Variants in MMGT1 observed in about 807,000 individuals in gnomAD.
MMGT1 encodes membrane magnesium transporter 1.
A neutral mutation model predicts 11.7 loss-of-function variants in MMGT1; 2 were observed. The ratio of observed to expected loss-of-function variants is 0.17; its 90% CI spans 0.07 to 0.54. The LOEUF is 0.54. Ranked by LOEUF, MMGT1 falls within the 20% of genes least tolerant of loss-of-function variation. The pLI, the probability that MMGT1 is intolerant of heterozygous loss-of-function variation, is 0.94. For synonymous variants in MMGT1, 49 were observed against 44.4 expected (o/e 1.10, Z -0.41); for missense variants, 74 against 109.0 (o/e 0.68, Z 1.43).
At chrX:135,973,450 C>A in intron 1 of MMGT1, 147 bp downstream of exon 1, 2 of 494,529 alleles carry the variant, frequency 4.0e-6, no homozygotes, top group Non-Finnish European at 6.8e-6. Context: ...ACTGGGAACT[C>A]CTGCACTGAT....
At position 135,973,843 on chromosome X, in the gene MMGT1, G is replaced by A; in HGVS notation, c.-168C>T. The stretch of plus-strand genomic sequence containing the variant: ...GAGGGCTGTGAGAAAACGGAAACAG[G>A]AATGCCGGGAAGAAGCAGAAAGCTA... On this transcript the variant is annotated 5_prime_UTR_variant, in exon 1 of 4. Transcript: ENST00000305963. 1.7e-6 allele frequency: 2 copies of A among 1,161,927 alleles called. No homozygotes were observed. The highest frequency in any genetic ancestry group is 2.3e-6 in the Non-Finnish European group (2 of 871,137).
At chrX:135,966,105 T>C (rs1378619095) in intron 3 of MMGT1, among the ~76,000 whole-genome samples, 1 of 112,302 alleles carries the variant, frequency 8.9e-6, no homozygotes, top group Non-Finnish European at 1.9e-5. Flanking sequence ...TTTCTACTTT[T>C]CCAGTGAGAG....
At chrX:135,968,499 T>TTGTGTGTGTGTGTGTGTGTGTGTG (rs61012323) in intron 2 of MMGT1, among the ~76,000 whole-genome samples, 4 of 85,008 alleles carry the variant, frequency 4.7e-5, no homozygotes, top group Admixed American at 2.8e-4. Flanking sequence ...CATTATGTCA[T>TTGTGTGTGTGTGTGTGTGTGTGTG]TGTGTGTGTG....
chrX:135,961,770 T>C lies in MMGT1; in HGVS notation c.*3254A>G, dbSNP rs1027527759. Among the ~76,000 whole-genome samples the C allele has an allele frequency of 9.0e-6, 1 of 111,710 alleles. No individual in the cohort carries two copies. Among genetic ancestry groups the C allele is most frequent in the African/African-American group, 3.3e-5 (1 of 30,752 alleles). ...CACTTTCAATGGGAGTTTGGCTTTA[T>C]AACAAATTTGTGATGGAATCATTAG... On this transcript the variant is annotated 3_prime_UTR_variant, in exon 4 of 4. Coordinates refer to ENST00000305963, the MANE Select transcript of MMGT1 (RefSeq NM_173470.3).
chrX:135,972,848 C>T (rs1445087825), intron 1 of MMGT1, among the ~76,000 whole-genome samples: 1 of 111,816 alleles, frequency 8.9e-6, no homozygotes, highest in African/African-American at 3.3e-5. Context: ...ATCTAGGATA[C>T]TTTCCTTAAC....
At position 135,967,193 on chromosome X, in the gene MMGT1, A is replaced by G. The variant is rs182272746; in HGVS notation, c.236+197T>C. On this transcript the variant is annotated intron_variant, in intron 3 of 3. Transcript: ENST00000305963. ...GTATTTTTTTGATTCTACTGTGAAT[A>G]ATCTGGCATTCATCTTCCATTTTCT... Among the ~76,000 whole-genome samples the G allele has an allele frequency of 9.5e-3, 1,071 of 112,563 alleles. 33 individuals are homozygous for G. The highest frequency in any genetic ancestry group is 0.083 in the Admixed American group (879 of 10,609).
intron 2 of MMGT1, among the ~76,000 whole-genome samples, chrX:135,969,200 T>A (rs1392617139): frequency 1.9e-5 from 2 of 107,641 alleles, no homozygotes; most frequent in Non-Finnish European, 3.8e-5. Flanking sequence ...GTGATAGGAG[T>A]TAACAGCCTC....
At chrX:135,968,418 C>T (rs2089198122) in intron 2 of MMGT1, among the ~76,000 whole-genome samples, 1 of 110,302 alleles carries the variant, frequency 9.1e-6, no homozygotes, top group Non-Finnish European at 1.9e-5. Context: ...ATATGCCTTA[C>T]TTTTGCCCAT....
At position 135,971,088 on chromosome X, in the gene MMGT1, T is replaced by C; in HGVS notation, c.102A>G (p.Thr34=). 1 of 1,182,374 alleles carries C rather than the reference T, an allele frequency of 8.5e-7. No homozygotes were observed. The highest frequency in any genetic ancestry group is 1.8e-5 in the South Asian group (1 of 55,861). ...TTGGCAGTGATTCATCTTCTTTTTC[T>C]GTTAATCGCATATAAGAACGATCTA... is the stretch of plus-strand genomic sequence containing the variant. ...AAQHRSYMRL[T]EKEDESLPID... is the part of the protein sequence containing the mutation. The change falls in exon 2 of 4, where the codon ACA becomes ACG. Residue 34 remains threonine, a synonymous_variant. Coordinates refer to ENST00000305963, the MANE Select transcript of MMGT1 (RefSeq NM_173470.3).
chrX:135,973,642 T>C lies in MMGT1; in HGVS notation c.34A>G (p.Ile12Val). The change falls in exon 1 of 4, where the codon ATC becomes GTC. Residue 12 changes from isoleucine (I) to valine (V), a missense_variant. Transcript: ENST00000305963. ...GCGTGGGCTAGGGCAAAGAGACCGATGCCCACCAGCCCCTTCCACAGCGAC... is the reference window on the plus strand; with the variant it reads ...GCGTGGGCTAGGGCAAAGAGACCGACGCCCACCAGCCCCTTCCACAGCGAC... Reference protein sequence around the residue: ...APSLWKGLVGIGLFALAHAAF... With the variant: ...APSLWKGLVGVGLFALAHAAF... The C allele has an allele frequency of 6.0e-6, 7 of 1,167,271 alleles. No homozygotes were observed. Among genetic ancestry groups the C allele is most frequent in the Non-Finnish European group, 5.7e-6 (5 of 873,020 alleles).
rs1569523467 is a variant in MMGT1 at position 135,973,899 on chromosome X, C to G, written c.-224G>C. 1 of 1,149,990 alleles carries G rather than the reference C, an allele frequency of 8.7e-7. No individual in the cohort carries two copies. The highest frequency in any genetic ancestry group is 1.2e-6 in the Non-Finnish European group (1 of 865,117). 94.8% of individuals were successfully genotyped at this position (1,149,990 alleles called of 1,213,427 possible). On this transcript the variant is annotated 5_prime_UTR_variant, in exon 1 of 4. Transcript: ENST00000305963. The stretch of plus-strand genomic sequence containing the variant: ...AAAAAGGTCCGCGAGAACCCACGAA[C>G]CTGCGCTATGGAGGCCTCTCTAGGA...
At chrX:135,971,247 C>T (rs1556612573) in intron 1 of MMGT1, 137 bp from the exon 2 acceptor site, 9 of 351,649 alleles carry the variant, frequency 2.6e-5, no homozygotes, top group East Asian at 4.4e-5. Context: ...ATGTAACTAA[C>T]CTGCACATTG....
Position 135,964,122 on chromosome X carries a change from G to A in MMGT1, c.*902C>T, listed in dbSNP as rs375927474. On this transcript the variant is annotated 3_prime_UTR_variant, in exon 4 of 4. Transcript: ENST00000305963. Reference sequence around the variant, plus strand: ...TGAACTCTGTCTTTAGATTAATGACGAGTTTCCTTTATTTCACTTATTCAC... The same window carrying A: ...TGAACTCTGTCTTTAGATTAATGACAAGTTTCCTTTATTTCACTTATTCAC... The A allele has an allele frequency of 1.2e-4, 13 of 112,688 alleles. No homozygotes were observed. The highest frequency in any genetic ancestry group is 2.9e-4 in the African/African-American group (9 of 31,119). The allele number at this position is 112,688 out of a possible 1,213,427, so 9.3% of individuals were successfully genotyped here.
chrX:135,961,739 A>C lies in MMGT1; in HGVS notation c.*3285T>G, dbSNP rs1375836095. 9.0e-6 allele frequency among the ~76,000 whole-genome samples: 1 copy of C among 111,642 alleles called. No individual in the cohort carries two copies. The highest frequency in any genetic ancestry group is 1.9e-5 in the Non-Finnish European group (1 of 53,136). ...TCATAACGATTTCCTATTAAGTATA[A>C]AGTGACACTTTCAATGGGAGTTTGG... On this transcript the variant is annotated 3_prime_UTR_variant, in exon 4 of 4. Transcript: ENST00000305963.
intron 2 of MMGT1, among the ~76,000 whole-genome samples, chrX:135,968,957 G>A (rs782058895): frequency 8.1e-5 from 9 of 111,661 alleles, no homozygotes; most frequent in South Asian, 3.7e-4. Flanking sequence ...TATGCATGTC[G>A]CCCAGTTCAC....
At chrX:135,969,394 C>T (rs781849498) in intron 2 of MMGT1, among the ~76,000 whole-genome samples, 2 of 111,555 alleles carry the variant, frequency 1.8e-5, no homozygotes, top group South Asian at 7.6e-4. Context: ...GTGCAGATCT[C>T]GAGTGCATGA....
intron 1 of MMGT1, 30 bp downstream of exon 1, chrX:135,973,567 C>G: frequency 8.8e-7 from 1 of 1,136,776 alleles, no homozygotes; most frequent in Non-Finnish European, 1.2e-6. Context: ...GGTTCCACAC[C>G]GAAGCGGTCC....
rs1162067645 is a variant in MMGT1 at position 135,967,832 on chromosome X, G to GT, written c.133-340dup. ...GAATTTTTAAGGTATTATTGTTTTT[G>GT]TTTTTTTTTTGTTGTTGTTGTTGTT... is the stretch of plus-strand genomic sequence containing the variant. On this transcript the variant is annotated intron_variant, in intron 2 of 3. Transcript: ENST00000305963. 3.8e-3 allele frequency among the ~76,000 whole-genome samples: 402 copies of GT among 106,272 alleles called. 1 individual carries two copies. The highest frequency in any genetic ancestry group is 0.01 in the Middle Eastern group (2 of 199). The allele number at this position is 106,272 out of a possible 115,157, so 92.3% of individuals were successfully genotyped here. A position where few individuals can be genotyped will look rare whatever the true frequency, so the allele number is the denominator to read the frequency against.
rs1183589786 is a variant in MMGT1, at chrX:135,961,919, T to C, written c.*3105A>G. Among the ~76,000 whole-genome samples the C allele has an allele frequency of 9.0e-6, 1 of 111,282 alleles. No homozygotes were observed. The highest frequency in any genetic ancestry group is 9.6e-5 in the Admixed American group (1 of 10,428). ...TAAAACTGCAGTAAGATTTTACATG[T>C]ACAATTAAATTATCCATTGAATTCA... On this transcript the variant is annotated 3_prime_UTR_variant, in exon 4 of 4. Coordinates refer to ENST00000305963, the MANE Select transcript of MMGT1 (RefSeq NM_173470.3).
Sources: allele counts gnomAD v4.1 joint callset (sites outside exome capture counted in the v4.1 genomes callset), GRCh38; gene constraint gnomAD v4.1.1; transcripts MANE v1.5; gene names NCBI Gene and HGNC (gene_info 2026-07-23, HGNC 2026-07-21).